The following INTS1 variants were observed in gnomAD, a reference collection of about 807,000 sequenced individuals.
INTS1 encodes integrator complex subunit 1.
Under a neutral mutation model 241.6 loss-of-function variants are expected in INTS1, and 137 were observed. The ratio of observed to expected loss-of-function variants is 0.57; its 90% CI spans 0.49 to 0.65. The LOEUF (loss-of-function observed/expected upper bound fraction) is 0.65. INTS1 is among the 30% of genes least tolerant of loss of function. The probability of loss-of-function intolerance (pLI) is 0.00; values close to 1 mark genes in which losing one functional copy is unlikely to be tolerated. For synonymous variants in INTS1, 1,692 were observed against 1,337.8 expected, an observed-to-expected ratio of 1.26 and a Z score of -5.78; for missense variants, 3,073 against 3,032.2, an observed-to-expected ratio of 1.01 and a Z score of -0.32.
intron 18 of INTS1, among the ~76,000 whole-genome samples, chr7:1,488,271 T>C (rs1007335798): frequency 2.0e-5 from 3 of 152,172 alleles, no homozygotes; most frequent in Admixed American, 1.3e-4. Context: ...CCACGCCACC[T>C]ACGCTGGGAG....
Position 1,500,306 on chromosome 7 carries a change from C to T in INTS1, c.410G>A (p.Arg137Lys). The T allele has an allele frequency of 6.3e-7, 1 of 1,594,106 alleles. No individual in the cohort carries two copies. Among genetic ancestry groups the T allele is most frequent in the Non-Finnish European group, 8.6e-7 (1 of 1,168,780 alleles). The stretch of plus-strand genomic sequence containing the variant: ...GGCCCCGCACAGCACGCCCTCGATC[C>T]TGTCATCGTTGCCCTCCAGCTCGGC... ...EAAELEGNDDRIEGVLCGAVK... is the reference protein window; with the variant it reads ...EAAELEGNDDKIEGVLCGAVK... Residue 137 changes from arginine (R) to lysine (K), a missense_variant, in exon 4 of 48, where the codon AGG becomes AAG. Coordinates refer to ENST00000404767, the MANE Select transcript of INTS1 (RefSeq NM_001080453.3).
intron 42 of INTS1, 103 bp from the exon 43 acceptor site, chr7:1,473,287 T>C: frequency 3.3e-6 from 2 of 611,698 alleles, no homozygotes; most frequent in South Asian, 1.7e-5. Flanking sequence ...GACACAGGCA[T>C]GCAGGAGAGG....
rs761024323 is a variant in INTS1, at chr7:1,500,060, G to A, written c.547-39C>T. ...CGCATGTCACGTGGGAGCTTCGCTG[G>A]CCCCAGAGGCAAAGCTGGGGTGGGC... On this transcript the variant is annotated intron_variant, in intron 4 of 47. Coordinates refer to ENST00000404767, the MANE Select transcript of INTS1 (RefSeq NM_001080453.3). The A allele has an allele frequency of 3.1e-6, 5 of 1,604,588 alleles. No individual in the cohort carries two copies. In the South Asian group the frequency reaches 4.4e-5, roughly 14 times the overall value.
At chr7:1,488,102 A>T in intron 18 of INTS1, 145 bp from the exon 19 acceptor site, 2 of 823,584 alleles carry the variant, frequency 2.4e-6, no homozygotes, top group Non-Finnish European at 4.0e-6. Context: ...GGCGCCCGGT[A>T]GCATCCATGG....
In INTS1 at chr7:1,478,864, C is replaced by T. The variant is rs781463073; in HGVS notation, c.4351G>A (p.Gly1451Ser). The change falls in exon 32 of 48, where the codon GGC becomes AGC. Residue 1451 changes from glycine to serine, a missense_variant. Physicochemically the swap from Gly to Ser is moderately conservative, Grantham distance 56 (BLOSUM62 0). Coordinates refer to ENST00000404767, the MANE Select transcript of INTS1 (RefSeq NM_001080453.3). The stretch of plus-strand genomic sequence containing the variant: ...ACCTTCAGGAAGAGCGAGGAGAAGC[C>T]GGTGTCCTGTGGCACACAGCGCTGC... The part of the protein sequence containing the change: ...QYQRCVPQDT[G>S]FSSLFLKVLL... 37 of 1,609,672 alleles carry T rather than the reference C, an allele frequency of 2.3e-5. No individual in the cohort carries two copies. Among genetic ancestry groups the T allele is most frequent in the South Asian group, 1.8e-4 (16 of 90,824 alleles).
Position 1,471,070 on chromosome 7 carries a change from G to A in INTS1, c.6347+63C>T, listed in dbSNP as rs569692953. 37 of 1,527,602 alleles carry A rather than the reference G, an allele frequency of 2.4e-5. 1 individual carries two copies. The South Asian group carries it at 4.1e-4, about 17-fold the overall frequency. 94.6% of individuals were successfully genotyped at this position (1,527,602 alleles called of 1,614,324 possible). ...CTGGTCTGGCCACCAGGCGGGTCAA[G>A]CGGTGACCTGGGTTAGCAGGGCCCA... is the stretch of plus-strand genomic sequence containing the variant. On this transcript the variant is annotated intron_variant, in intron 46 of 47. Transcript: ENST00000404767.
At chr7:1,488,026 A>G in intron 18 of INTS1, 69 bp from the exon 19 acceptor site, 3 of 1,504,754 alleles carry the variant, frequency 2.0e-6, no homozygotes, top group South Asian at 2.3e-5. Context: ...GGCCACGCTC[A>G]GGGTCAAGGA....
chr7:1,477,724 C>A (rs753617438), intron 34 of INTS1, 29 bp downstream of exon 34: 79 of 1,608,794 alleles, frequency 4.9e-5, no homozygotes, highest in Non-Finnish European at 6.6e-5. Context: ...CGCCTGCCCA[C>A]CCTGGCCGTG....
At chr7:1,478,613 T>C in intron 32 of INTS1, 107 bp from the exon 33 acceptor site, 2 of 1,495,260 alleles carry the variant, frequency 1.3e-6, no homozygotes, top group Non-Finnish European at 1.8e-6. Context: ...CCCACGCGGG[T>C]ACCCACCCCC....
rs368506694 is a variant in INTS1 at position 1,481,501 on chromosome 7, G to A, written c.3704-13C>T. 2.3e-5 allele frequency: 36 copies of A among 1,599,000 alleles called. 1 individual carries two copies. The East Asian group carries it at 3.4e-4, about 15-fold the overall frequency. On this transcript the variant is annotated splice_polypyrimidine_tract_variant and intron_variant, in intron 27 of 47. Transcript: ENST00000404767. The surrounding 1 kb of genome is among the most constrained non-coding windows in gnomAD (Gnocchi z 6.8). ...AGGTCCTGCAGGGCTGAGGGTGCAC[G>A]CGCTCCGTAACGCCACCCAAAACCC...
chr7:1,481,383 G>A lies in INTS1; in HGVS notation c.3809C>T (p.Ala1270Val). The A allele has an allele frequency of 5.0e-6, 8 of 1,613,072 alleles. No homozygotes were observed. Among genetic ancestry groups the A allele is most frequent in the Non-Finnish European group, 6.8e-6 (8 of 1,179,788 alleles). The change falls in exon 28 of 48, where the codon GCC (alanine) becomes GTC (valine). Residue 1270 changes from alanine to valine, a missense_variant. Coordinates refer to ENST00000404767, the MANE Select transcript of INTS1 (RefSeq NM_001080453.3). This position sits in a 1 kb window ranked among gnomAD's most constrained non-coding sequence, Gnocchi z 6.8. ...CTGCTCCAGAGTCTGGGGGTCGTGGGCCACTGCCTGGTCCAGGAACTGGAG... is the reference window on the plus strand; with the variant it reads ...CTGCTCCAGAGTCTGGGGGTCGTGGACCACTGCCTGGTCCAGGAACTGGAG... ...KLLQFLDQAV[A>V]HDPQTLEQNI...
chr7:1,472,988 C>G (rs777803213), intron 43 of INTS1, 84 bp downstream of exon 43: 110 of 925,904 alleles, frequency 1.2e-4, no homozygotes, highest in Non-Finnish European at 1.7e-4. Context: ...TCGGACGGCC[C>G]AGGGCTGGCT....
rs771188952 is a variant in INTS1, at chr7:1,473,628, C to T, written c.5895G>A (p.Lys1965=). 1.9e-6 allele frequency: 3 copies of T among 1,613,158 alleles called. No homozygotes were observed. The highest frequency in any genetic ancestry group is 2.7e-5 in the African/African-American group (2 of 74,942). Reference sequence around the variant, plus strand: ...CTGCTGGGGCATTGTAGGTAATGTACTTATGGATGAACTGCACAAACTTGT... The same window carrying T: ...CTGCTGGGGCATTGTAGGTAATGTATTTATGGATGAACTGCACAAACTTGT... ...FINKFVQFIH[K]YITYNAPAAI... The change falls in exon 42 of 48, where the codon AAG becomes AAA. Residue 1965 remains lysine (K), a synonymous_variant. Coordinates refer to ENST00000404767, the MANE Select transcript of INTS1 (RefSeq NM_001080453.3).
Position 1,480,921 on chromosome 7 carries a change from TG to T in INTS1, c.3862del (p.His1288ThrfsTer45). The T allele has an allele frequency of 6.4e-7, 1 of 1,572,934 alleles. No homozygotes were observed. The highest frequency in any genetic ancestry group is 1.2e-5 in the South Asian group (1 of 85,628). Reference protein sequence around the residue: ...QNIMDKNYMAHLVEVQHERGA... With the variant: ...QNIMDKNYMAXLVEVQHERGA... ...GCGCTCATGCTGGACCTCCACCAGGTGGGCCATGTAATCTGCAAACCGTAGC... is the reference window on the plus strand; with the variant it reads ...GCGCTCATGCTGGACCTCCACCAGGTGGCCATGTAATCTGCAAACCGTAGC... On this transcript the variant is annotated frameshift_variant, in exon 29 of 48. Coordinates refer to ENST00000404767, the MANE Select transcript of INTS1 (RefSeq NM_001080453.3). LOFTEE classifies it high-confidence loss of function.
chr7:1,487,732 G>T, intron 19 of INTS1, 28 bp downstream of exon 19: 1 of 1,601,752 alleles, frequency 6.2e-7, no homozygotes, highest in East Asian at 2.2e-5. Context: ...GACGGCAGGC[G>T]CAGGGCGGGG....
rs202056973 is a variant in INTS1 at position 1,484,090 on chromosome 7, G to A, written c.3342C>T (p.Asp1114=). 82 of 1,612,500 alleles carry A rather than the reference G, an allele frequency of 5.1e-5. No homozygotes were observed. Among genetic ancestry groups the A allele is most frequent in the Middle Eastern group, 3.3e-4 (2 of 6,060 alleles). ...TGGACAACAGAGCGCTCAGCACGGC[G>A]TCCGACGCGGCACTCGGGGAGAGCT... The part of the protein sequence containing the change: ...FSKLSPSAAS[D]AVLSALLSIF... Residue 1114 remains aspartate, a synonymous_variant, in exon 25 of 48, where the codon GAC becomes GAT. Transcript: ENST00000404767.
In INTS1 at chr7:1,471,616, T is replaced by G; in HGVS notation, c.6210A>C (p.Ile2070=). ...CGGGTCTCCGCCGGGACATCTCGTC[T>G]ATGTCACTCAGAACCTCCAGCAGAT... ...VEDLLEVLSD[I]DEMSRRRPEI... The change falls in exon 45 of 48, where the codon ATA becomes ATC. Residue 2070 remains isoleucine (I), a synonymous_variant. Coordinates refer to ENST00000404767, the MANE Select transcript of INTS1 (RefSeq NM_001080453.3). 7.4e-6 allele frequency: 12 copies of G among 1,612,298 alleles called. No homozygotes were observed. Among genetic ancestry groups the G allele is most frequent in the Non-Finnish European group, 1.0e-5 (12 of 1,179,782 alleles).
At chr7:1,477,139 G>A (rs73267816) in intron 35 of INTS1, among the ~76,000 whole-genome samples, 2,092 of 152,338 alleles carry the variant, frequency 0.014, 49 homozygotes, top group African/African-American at 0.048. Context: ...GGAGGTGCCC[G>A]GGGCTCCATG....
intron 29 of INTS1, 58 bp downstream of exon 29, chr7:1,480,777 G>C (rs772565887): frequency 2.9e-6 from 4 of 1,375,856 alleles, no homozygotes; most frequent in Admixed American, 2.0e-5. Flanking sequence ...GGGTCTCTGT[G>C]TTGGCCCCAC....
Sources: gnomAD v4.1 joint callset for allele counts (sites outside exome capture counted in the v4.1 genomes callset) on GRCh38, gnomAD v4.1.1 for gene constraint, Gnocchi (gnomAD v3.1) non-coding constraint, MANE v1.5 for transcripts, NCBI Gene and HGNC (gene_info 2026-07-23, HGNC 2026-07-21) for gene names.